SCRG1: variants seen among roughly 807,000 people sequenced by gnomAD.
The protein encoded by SCRG1 is stimulator of chondrogenesis 1, also known as scrapie-responsive protein 1.
SCRG1 carries 3 observed loss-of-function variants against 7.7 expected under a neutral mutation model. That is an observed-to-expected ratio of 0.39 (90% CI 0.18 to 1.01). The LOEUF is 1.01. Among genes scored for constraint, SCRG1 ranks in the 50% least tolerant of loss-of-function variants. SCRG1 has a pLI of 0.36. For missense variants in SCRG1, 110 were observed against 117.2 expected, an observed-to-expected ratio of 0.94 and a Z score of 0.28; for synonymous variants, 46 against 41.2, an observed-to-expected ratio of 1.12 and a Z score of -0.44.
At chr4:173,440,402 G>A in the SCRG1 span, among the ~76,000 whole-genome samples, 4 of 152,188 alleles carry the variant, frequency 2.6e-5, no homozygotes, top group African/African-American at 4.8e-5. Flanking sequence ...ATTTTGGCAG[G>A]CATGGCAAAT....
the SCRG1 span, among the ~76,000 whole-genome samples, chr4:173,514,237 G>C: frequency 3.9e-5 from 6 of 152,122 alleles, no homozygotes; most frequent in Non-Finnish European, 7.3e-5. Context: ...AAAGCCATTT[G>C]CTCCTCCAGT....
At chr4:173,485,026 ATATTATATAT>A in the SCRG1 span, among the ~76,000 whole-genome samples, 15 of 22,316 alleles carry the variant, frequency 6.7e-4, no homozygotes, top group African/African-American at 3.5e-3. Flanking sequence ...AATATATAAT[ATATTATATAT>A]TATATATTAT....
intron 1 of SCRG1, among the ~76,000 whole-genome samples, chr4:173,392,626 G>A (rs1462104852): frequency 2.6e-5 from 4 of 152,200 alleles, no homozygotes; most frequent in Non-Finnish European, 2.9e-5. Flanking sequence ...TACATTAGAT[G>A]TGAAGAAAAT....
At chr4:173,483,854 TTC>T in the SCRG1 span, among the ~76,000 whole-genome samples, 1 of 106,024 alleles carries the variant, frequency 9.4e-6, no homozygotes, top group African/African-American at 4.0e-5. Context: ...TAATATATAT[TTC>T]ATATTACATA....
At chr4:173,414,529 T>C in the SCRG1 span, among the ~76,000 whole-genome samples, 2 of 151,944 alleles carry the variant, frequency 1.3e-5, no homozygotes, top group African/African-American at 4.8e-5. Context: ...AAGCAAGGAG[T>C]TGGAAAGGAA....
chr4:173,485,011 T>TATATAATATATTATAA, the SCRG1 span, among the ~76,000 whole-genome samples: 23 of 10,996 alleles, frequency 2.1e-3, 1 homozygote, highest in East Asian at 0.012. Context: ...ATAAATATAA[T>TATATAATATATTATAA]ATATAATATA....
the SCRG1 span, among the ~76,000 whole-genome samples, chr4:173,411,774 A>G: frequency 4.6e-5 from 7 of 152,026 alleles, no homozygotes; most frequent in African/African-American, 1.7e-4. Flanking sequence ...TATGTTTGGT[A>G]AGCTCTCACT....
In SCRG1 at chr4:173,391,235, C is replaced by A; in HGVS notation, c.180G>T (p.Trp60Cys). The A allele has an allele frequency of 6.2e-7, 1 of 1,614,158 alleles. No individual in the cohort carries two copies. The highest frequency in any genetic ancestry group is 1.3e-5 in the African/African-American group (1 of 75,034). The change falls in exon 2 of 3, where the codon TGG becomes TGT. Residue 60 changes from tryptophan (W) to cysteine (C), a missense_variant. By Grantham distance (215) the Trp-to-Cys change is radical. Coordinates refer to ENST00000296506, the MANE Select transcript of SCRG1 (RefSeq NM_007281.4). ...QIDVNVQDHF[W>C]DGKGCEMICY... is the part of the protein sequence containing the mutation. ...AGATCATCTCACATCCCTTCCCATC[C>A]CAGAAATGATCCTGGACATTGACAT...
the SCRG1 span, among the ~76,000 whole-genome samples, chr4:173,415,246 C>A: frequency 8.5e-5 from 13 of 152,142 alleles, no homozygotes; most frequent in African/African-American, 3.1e-4. Flanking sequence ...ACAGGGTTTG[C>A]AATTCAGGAT....
chr4:173,480,467 A>G, the SCRG1 span, among the ~76,000 whole-genome samples: 1 of 152,148 alleles, frequency 6.6e-6, no homozygotes, highest in African/African-American at 2.4e-5. Flanking sequence ...CGACATGACA[A>G]TTGTCACATG....
At chr4:173,465,858 A>G in the SCRG1 span, among the ~76,000 whole-genome samples, 36 of 152,048 alleles carry the variant, frequency 2.4e-4, 1 homozygote, top group South Asian at 7.1e-3. Flanking sequence ...ACTTCCACAT[A>G]TGAATGAGGA....
At chr4:173,434,398 C>T in the SCRG1 span, among the ~76,000 whole-genome samples, 5,193 of 152,156 alleles carry the variant, frequency 0.034, 272 homozygotes, top group African/African-American at 0.11. Context: ...CCTCTATTTG[C>T]CACAACTGTA....
At chr4:173,471,795 C>A in the SCRG1 span, among the ~76,000 whole-genome samples, 1 of 152,172 alleles carries the variant, frequency 6.6e-6, no homozygotes, top group Non-Finnish European at 1.5e-5. Flanking sequence ...CCGCAACCTC[C>A]GCCTCCTGGG....
At chr4:173,493,898 T>G in the SCRG1 span, among the ~76,000 whole-genome samples, 1 of 152,342 alleles carries the variant, frequency 6.6e-6, no homozygotes, top group East Asian at 1.9e-4. Context: ...GATTTTGGTT[T>G]AAATCCAGTT....
the SCRG1 span, among the ~76,000 whole-genome samples, chr4:173,475,586 T>A: frequency 6.6e-6 from 1 of 152,304 alleles, no homozygotes; most frequent in African/African-American, 2.4e-5. Context: ...TTGGGTATAA[T>A]CCTTTTGCAT....
the SCRG1 span, among the ~76,000 whole-genome samples, chr4:173,513,658 A>T: frequency 2.6e-5 from 4 of 152,198 alleles, no homozygotes; most frequent in Non-Finnish European, 5.9e-5. Context: ...AGTCAGGTGG[A>T]ATCTCACACC....
At chr4:173,422,495 C>T in the SCRG1 span, among the ~76,000 whole-genome samples, 2 of 152,148 alleles carry the variant, frequency 1.3e-5, no homozygotes. Flanking sequence ...CTTCACATCC[C>T]TTCCCATCCT....
chr4:173,416,249 G>A, the SCRG1 span, among the ~76,000 whole-genome samples: 13 of 152,238 alleles, frequency 8.5e-5, no homozygotes, highest in African/African-American at 3.1e-4. Context: ...GAGGGATTCT[G>A]TCCCGACAAC....
chr4:173,508,570 G>C, the SCRG1 span, among the ~76,000 whole-genome samples: 3 of 152,102 alleles, frequency 2.0e-5, no homozygotes, highest in African/African-American at 7.2e-5. The surrounding 1 kb of genome is among the most constrained non-coding windows in gnomAD (Gnocchi z 4.4). Flanking sequence ...CACAGCCCCC[G>C]CCCCAGCCAC....
Sources: allele counts gnomAD v4.1 joint callset (sites outside exome capture counted in the v4.1 genomes callset), GRCh38; gene constraint gnomAD v4.1.1; non-coding constraint Gnocchi (gnomAD v3.1); transcripts MANE v1.5; gene names NCBI Gene and HGNC (gene_info 2026-07-23, HGNC 2026-07-21).